The following ARHGAP17 variants were observed in gnomAD, a reference collection of about 807,000 sequenced individuals.
The protein encoded by ARHGAP17 is Rho GTPase activating protein 17.
In ARHGAP17, 57 loss-of-function variants were observed where a neutral mutation model predicts 99.5. The observed-to-expected ratio is 0.57, with a 90% CI of 0.46 to 0.71. ARHGAP17 has a LOEUF of 0.71. Ranked by LOEUF, ARHGAP17 falls within the 30% of genes least tolerant of loss-of-function variation. The probability of loss-of-function intolerance (pLI) is 0.00; values close to 1 mark genes in which losing one functional copy is unlikely to be tolerated. For missense variants in ARHGAP17, 1,000 were observed against 1,122.4 expected (o/e 0.89, Z 1.56); for synonymous variants, 417 against 429.6 (o/e 0.97, Z 0.36).
At chr16:25,012,351 T>C (rs2053664251) in intron 1 of ARHGAP17, among the ~76,000 whole-genome samples, 1 of 152,212 alleles carries the variant, frequency 6.6e-6, no homozygotes, top group African/African-American at 2.4e-5. Flanking sequence ...GTCCCTCCCC[T>C]GGAACCTTAC....
At chr16:25,003,639 C>T (rs2053431359) in intron 1 of ARHGAP17, among the ~76,000 whole-genome samples, 1 of 152,014 alleles carries the variant, frequency 6.6e-6, no homozygotes, top group Non-Finnish European at 1.5e-5. Flanking sequence ...GCCTGGCCAA[C>T]ATGGTGAAAC....
chr16:24,975,557 A>T (rs754196665), intron 3 of ARHGAP17, among the ~76,000 whole-genome samples: 1 of 152,204 alleles, frequency 6.6e-6, no homozygotes, highest in Non-Finnish European at 1.5e-5. Flanking sequence ...GCAAACTTCC[A>T]TTCCTATGAC....
chr16:24,991,475 AC>A (rs2053039362), intron 1 of ARHGAP17, among the ~76,000 whole-genome samples: 1 of 152,226 alleles, frequency 6.6e-6, no homozygotes, highest in Non-Finnish European at 1.5e-5. Context: ...CCTGGACCAC[AC>A]AAAAACAAAA....
intron 3 of ARHGAP17, among the ~76,000 whole-genome samples, chr16:24,970,890 T>G (rs2052341742): frequency 6.6e-6 from 1 of 152,210 alleles, no homozygotes; most frequent in Non-Finnish European, 1.5e-5. Flanking sequence ...TTGTTTGTTT[T>G]TTTGGGACAG....
chr16:24,950,128 T>C (rs538131922), intron 12 of ARHGAP17, among the ~76,000 whole-genome samples: 7 of 152,222 alleles, frequency 4.6e-5, no homozygotes, highest in Admixed American at 2.0e-4. Flanking sequence ...GAACGTGAAA[T>C]ATCCTCCAGA....
At chr16:24,981,810 T>C (rs1011380399) in intron 1 of ARHGAP17, among the ~76,000 whole-genome samples, 6 of 152,154 alleles carry the variant, frequency 3.9e-5, no homozygotes, top group African/African-American at 1.4e-4. Context: ...CTTAAAGAAT[T>C]GGTCCAATGT....
At chr16:24,954,341 G>C (rs983834082) in intron 10 of ARHGAP17, among the ~76,000 whole-genome samples, 23 of 152,158 alleles carry the variant, frequency 1.5e-4, no homozygotes, top group Non-Finnish European at 7.3e-5. Flanking sequence ...AAGAGGTCAG[G>C]GTGTACCACA....
chr16:24,971,967 A>T (rs1394843111), intron 3 of ARHGAP17, among the ~76,000 whole-genome samples: 1 of 152,218 alleles, frequency 6.6e-6, no homozygotes, highest in African/African-American at 2.4e-5. Context: ...TGGCAATTAC[A>T]AGTGGGCTGG....
intron 6 of ARHGAP17, 64 bp from the exon 7 acceptor site, chr16:24,964,372 G>A (rs942829119): frequency 3.6e-6 from 4 of 1,111,168 alleles, no homozygotes; most frequent in African/African-American, 1.6e-5. Flanking sequence ...GCTGGAGGCA[G>A]GACCTGGTGG....
chr16:24,934,936 GCACAGAGAACC>G (rs1465132077), intron 18 of ARHGAP17, among the ~76,000 whole-genome samples: 5 of 152,216 alleles, frequency 3.3e-5, no homozygotes, highest in Non-Finnish European at 5.9e-5. Flanking sequence ...CCCCACCAAA[GCACAGAGAACC>G]CAGGGTGAGA....
intron 1 of ARHGAP17, among the ~76,000 whole-genome samples, chr16:24,997,530 A>G (rs2053230845): frequency 6.6e-6 from 1 of 152,240 alleles, no homozygotes; most frequent in Non-Finnish European, 1.5e-5. Flanking sequence ...TGAGGGAAAG[A>G]TATGCTGCCG....
intron 19 of ARHGAP17, among the ~76,000 whole-genome samples, chr16:24,923,677 C>T (rs577609840): frequency 1.1e-4 from 17 of 150,730 alleles, no homozygotes; most frequent in Admixed American, 4.6e-4. Context: ...GGAATCACAC[C>T]GCTGCACTCT....
At chr16:24,994,458 G>A (rs2053137567) in intron 1 of ARHGAP17, among the ~76,000 whole-genome samples, 1 of 152,094 alleles carries the variant, frequency 6.6e-6, no homozygotes, top group Non-Finnish European at 1.5e-5. Context: ...CCTTCCATGA[G>A]CCATCATGAG....
intron 1 of ARHGAP17, among the ~76,000 whole-genome samples, chr16:25,014,979 C>G (rs2053744829): frequency 6.6e-6 from 1 of 151,874 alleles, no homozygotes; most frequent in Non-Finnish European, 1.5e-5. Context: ...CGGCGGCCCT[C>G]CCCTGCAGGT....
rs186867612 is a variant in ARHGAP17 at position 24,955,062 on chromosome 16, G to A, written c.725-332C>T. 395 of 230,916 alleles carry A rather than the reference G, an allele frequency of 1.7e-3. No homozygotes were observed. Among genetic ancestry groups the A allele is most frequent in the Non-Finnish European group, 2.8e-3 (332 of 119,862 alleles). The allele number at this position is 230,916 out of a possible 1,614,324, so 14.3% of individuals were successfully genotyped here. A position where few individuals can be genotyped will look rare whatever the true frequency, so the allele number is the denominator to read the frequency against. On this transcript the variant is annotated intron_variant, in intron 9 of 19. Transcript: ENST00000289968. The surrounding 1 kb of genome is among the most constrained non-coding windows in gnomAD (Gnocchi z 4.0). ...TTAGTGGGCTGCCTTGAACCAAAAG[G>A]AAGATTTGCCAGAGCATACCGTTTC... is the stretch of plus-strand genomic sequence containing the variant.
At chr16:25,003,932 T>C (rs962267532) in intron 1 of ARHGAP17, among the ~76,000 whole-genome samples, 2 of 151,750 alleles carry the variant, frequency 1.3e-5, no homozygotes, top group Non-Finnish European at 2.9e-5. Context: ...GATCAGAAAA[T>C]AGCAATCACT....
At chr16:24,995,426 G>A (rs943739567) in intron 1 of ARHGAP17, among the ~76,000 whole-genome samples, 12 of 152,214 alleles carry the variant, frequency 7.9e-5, no homozygotes, top group Non-Finnish European at 1.5e-4. Context: ...TAGTACAAGA[G>A]CACCCAGGTC....
chr16:24,961,427 G>A (rs1401825868), intron 7 of ARHGAP17, among the ~76,000 whole-genome samples: 1 of 151,080 alleles, frequency 6.6e-6, no homozygotes, highest in Middle Eastern at 3.2e-3. Flanking sequence ...CACTTTGGGA[G>A]GCTGAGGTGG....
chr16:24,936,924 C>G (rs886881118), intron 17 of ARHGAP17: 1 of 151,006 alleles, frequency 6.6e-6, no homozygotes, highest in African/African-American at 2.4e-5. Context: ...TGAAGACCAG[C>G]CTGGGCAACA....
Sources: gnomAD v4.1 joint callset for allele counts (sites outside exome capture counted in the v4.1 genomes callset) on GRCh38, gnomAD v4.1.1 for gene constraint, Gnocchi (gnomAD v3.1) non-coding constraint, MANE v1.5 for transcripts, NCBI Gene and HGNC (gene_info 2026-07-23, HGNC 2026-07-21) for gene names.